The following NT5DC3 variants were observed in gnomAD, a reference collection of about 807,000 sequenced individuals.
NT5DC3 encodes 5'-nucleotidase domain containing 3.
NT5DC3 carries 42 observed loss-of-function variants against 67.8 expected under a neutral mutation model. The ratio of observed to expected loss-of-function variants is 0.62; its 90% CI spans 0.48 to 0.80. The LOEUF is 0.80. Among genes scored for constraint, NT5DC3 ranks in the 30% least tolerant of loss-of-function variants. The pLI is 0.00. For synonymous variants in NT5DC3, 237 were observed against 255.6 expected (o/e 0.93, Z 0.69); for missense variants, 570 against 696.4 (o/e 0.82, Z 2.04).
intron 2 of NT5DC3, among the ~76,000 whole-genome samples, chr12:103,809,634 A>G (rs1264738373): frequency 1.3e-5 from 2 of 152,178 alleles, no homozygotes; most frequent in East Asian, 3.8e-4. Context: ...CGGCTTTATA[A>G]CACCATTAGA....
rs59680009 is a variant in NT5DC3 at position 103,776,674 on chromosome 12, C to CAA, written c.*1153_*1154dup. ...ACATCTAAAAAAAAACAAAACAAAA[C>CAA]AAAAAAAAAAAAAACAAACTACACA... On this transcript the variant is annotated 3_prime_UTR_variant, in exon 14 of 14. Transcript: ENST00000392876. 2.0e-4 allele frequency: 27 copies of CAA among 134,782 alleles called. No homozygotes were observed. Among genetic ancestry groups the CAA allele is most frequent in the Middle Eastern group, 3.8e-3 (1 of 262 alleles). 8.3% of individuals were successfully genotyped at this position (134,782 alleles called of 1,614,324 possible). A position where few individuals can be genotyped will look rare whatever the true frequency, so the allele number is the denominator to read the frequency against.
chr12:103,755,199 CTT>C, the NT5DC3 span: 1 of 1,500,996 alleles, frequency 6.7e-7, no homozygotes. Flanking sequence ...CAAAGTGAGA[CTT>C]TATGGGTTTT....
At chr12:103,836,321 C>T (rs1289869186) in intron 1 of NT5DC3, among the ~76,000 whole-genome samples, 3 of 152,202 alleles carry the variant, frequency 2.0e-5, no homozygotes, top group African/African-American at 4.8e-5. Flanking sequence ...GTCCCTTCCG[C>T]CTATGAGCCT....
downstream of NT5DC3, chr12:103,770,786 C>T (rs917257846): frequency 6.6e-6 from 1 of 152,194 alleles, no homozygotes; most frequent in East Asian, 1.9e-4. Flanking sequence ...TTGTGACCCC[C>T]AAAATTCCTG....
At chr12:103,827,144 C>G (rs1772051681) in intron 1 of NT5DC3, among the ~76,000 whole-genome samples, 1 of 152,138 alleles carries the variant, frequency 6.6e-6, no homozygotes, top group South Asian at 2.1e-4. Flanking sequence ...ACTCGGGAAG[C>G]TGAGGCAGGA....
chr12:103,797,564 G>A (rs1386517862), intron 5 of NT5DC3, among the ~76,000 whole-genome samples: 3 of 151,404 alleles, frequency 2.0e-5, no homozygotes, highest in Admixed American at 1.3e-4. Context: ...GATATCAAAA[G>A]AAATGCCCTG....
At chr12:103,756,793 T>A in the NT5DC3 span, among the ~76,000 whole-genome samples, 1 of 151,936 alleles carries the variant, frequency 6.6e-6, no homozygotes, top group African/African-American at 2.4e-5. Flanking sequence ...GGAGTCTCTG[T>A]CCACAGACCA....
intron 1 of NT5DC3, among the ~76,000 whole-genome samples, chr12:103,820,340 C>T (rs1290718392): frequency 6.6e-6 from 1 of 152,084 alleles, no homozygotes; most frequent in South Asian, 2.1e-4. Context: ...ATAGTGGCTG[C>T]TCCATTTTGT....
chr12:103,761,056 C>T, the NT5DC3 span, among the ~76,000 whole-genome samples: 1 of 152,176 alleles, frequency 6.6e-6, no homozygotes, highest in Non-Finnish European at 1.5e-5. Flanking sequence ...ACTCATCTGT[C>T]AGACAAGTGG....
chr12:103,833,953 T>G (rs77197557), intron 1 of NT5DC3, among the ~76,000 whole-genome samples: 3,371 of 152,204 alleles, frequency 0.022, 110 homozygotes, highest in African/African-American at 0.078. Flanking sequence ...ACACGAAGAT[T>G]TCTTAGAATT....
At chr12:103,826,245 T>C (rs1887689909) in intron 1 of NT5DC3, among the ~76,000 whole-genome samples, 2 of 152,208 alleles carry the variant, frequency 1.3e-5, no homozygotes, top group South Asian at 4.1e-4. Flanking sequence ...GAATAATGGC[T>C]CTCCAAAGAT....
At chr12:103,780,502 A>G (rs528324219) in intron 12 of NT5DC3, 138 bp from the exon 13 acceptor site, 5 of 729,512 alleles carry the variant, frequency 6.9e-6, no homozygotes, top group Non-Finnish European at 1.2e-5. Flanking sequence ...TGAATGAAAT[A>G]ATACATTTTT....
intron 1 of NT5DC3, among the ~76,000 whole-genome samples, chr12:103,838,812 G>T (rs892347178): frequency 6.6e-6 from 1 of 151,420 alleles, no homozygotes; most frequent in African/African-American, 2.4e-5. Context: ...CATAACACTG[G>T]ATAAAACTCC....
At chr12:103,766,849 G>GTGTT (rs1281033922), downstream of NT5DC3, 5 of 155,254 alleles carry the variant, frequency 3.2e-5, no homozygotes, top group Non-Finnish European at 7.2e-5. Context: ...GAATTTGGTT[G>GTGTT]TGTTTGCTTC....
chr12:103,828,025 T>C (rs1887767423), intron 1 of NT5DC3, among the ~76,000 whole-genome samples: 1 of 152,214 alleles, frequency 6.6e-6, no homozygotes, highest in African/African-American at 2.4e-5. Context: ...CATGAACCAG[T>C]CAGACCACAC....
intron 1 of NT5DC3, among the ~76,000 whole-genome samples, chr12:103,838,884 A>G (rs1017312587): frequency 5.9e-5 from 9 of 152,272 alleles, no homozygotes; most frequent in Non-Finnish European, 1.2e-4. Context: ...TGACTCCATC[A>G]GCCTAACATT....
intron 1 of NT5DC3, among the ~76,000 whole-genome samples, chr12:103,827,859 T>C (rs1373261981): frequency 2.0e-5 from 3 of 152,240 alleles, no homozygotes; most frequent in Non-Finnish European, 2.9e-5. Context: ...AAGATTTTTT[T>C]AAAGCTTTTG....
chr12:103,767,236 A>T (rs1176988078), downstream of NT5DC3, among the ~76,000 whole-genome samples: 33 of 152,236 alleles, frequency 2.2e-4, no homozygotes. Context: ...ACAATAAAAC[A>T]TTTAGCCCTA....
intron 4 of NT5DC3, among the ~76,000 whole-genome samples, chr12:103,801,080 G>A (rs939070331): frequency 1.3e-5 from 2 of 152,010 alleles, no homozygotes; most frequent in Non-Finnish European, 2.9e-5. Context: ...GCTGCAGTAC[G>A]GAACCCCCCT....
Sources: gnomAD v4.1 joint callset for allele counts (sites outside exome capture counted in the v4.1 genomes callset) on GRCh38, gnomAD v4.1.1 for gene constraint, MANE v1.5 for transcripts, NCBI Gene and HGNC (gene_info 2026-07-23, HGNC 2026-07-21) for gene names.